The following CCDC171 variants were observed in gnomAD, a reference collection of about 807,000 sequenced individuals.
CCDC171 encodes the protein coiled-coil domain containing 171.
In CCDC171, 177 loss-of-function variants were observed where a neutral mutation model predicts 168.2. The ratio of observed to expected loss-of-function variants is 1.05; its 90% CI spans 0.93 to 1.19. The LOEUF is 1.19. Ranked by LOEUF, CCDC171 falls within the 50% of genes most tolerant of loss-of-function variation. CCDC171 has a pLI of 0.00. For synonymous variants in CCDC171, 687 were observed against 540.8 expected (o/e 1.27, Z -3.75); for missense variants, 1,991 against 1,539.0 (o/e 1.29, Z -4.91).
intron 21 of CCDC171, among the ~76,000 whole-genome samples, chr9:15,836,061 C>G (rs949769567): frequency 6.6e-6 from 1 of 152,108 alleles, no homozygotes; most frequent in Non-Finnish European, 1.5e-5. Flanking sequence ...ATATCTTCCC[C>G]CAATGATCCA....
chr9:15,613,316 G>T (rs1432870604), intron 6 of CCDC171, among the ~76,000 whole-genome samples: 1 of 152,058 alleles, frequency 6.6e-6, no homozygotes, highest in Non-Finnish European at 1.5e-5. Flanking sequence ...TTAAGTGAAT[G>T]ACGTAGAATG....
intron 25 of CCDC171, among the ~76,000 whole-genome samples, chr9:15,953,499 T>G (rs1358667224): frequency 6.6e-6 from 1 of 152,216 alleles, no homozygotes; most frequent in Non-Finnish European, 1.5e-5. Context: ...TTTTGTATGT[T>G]GAGCTCTCCT....
chr9:15,671,401 A>G (rs924060887), intron 9 of CCDC171, among the ~76,000 whole-genome samples: 3 of 151,868 alleles, frequency 2.0e-5, no homozygotes, highest in Non-Finnish European at 4.4e-5. Flanking sequence ...TACAACGTGC[A>G]GGTTTGTTAC....
chr9:15,747,926 G>C (rs2055418575), intron 18 of CCDC171, among the ~76,000 whole-genome samples: 2 of 152,200 alleles, frequency 1.3e-5, no homozygotes, highest in Non-Finnish European at 2.9e-5. Context: ...GTAGGCTTCA[G>C]AAGATGAGTA....
At chr9:15,877,133 A>G (rs1486559026) in intron 24 of CCDC171, among the ~76,000 whole-genome samples, 1 of 152,104 alleles carries the variant, frequency 6.6e-6, no homozygotes, top group Non-Finnish European at 1.5e-5. Context: ...CCTCAGTTCA[A>G]CTTGTTTCTG....
At chr9:15,576,081 G>A (rs187203392) in intron 3 of CCDC171, among the ~76,000 whole-genome samples, 5 of 132,896 alleles carry the variant, frequency 3.8e-5, no homozygotes, top group East Asian at 5.0e-4. Context: ...AACAGAGCGA[G>A]ACTCTGTCTC....
intron 21 of CCDC171, among the ~76,000 whole-genome samples, chr9:15,792,984 G>A (rs568010342): frequency 2.6e-5 from 4 of 152,174 alleles, no homozygotes; most frequent in South Asian, 4.1e-4. Flanking sequence ...TATTAACCTT[G>A]AATGTAAATG....
chr9:15,571,718 A>C lies in CCDC171; in HGVS notation c.136A>C (p.Lys46Gln). 1 of 1,590,130 alleles carries C rather than the reference A, an allele frequency of 6.3e-7. No homozygotes were observed. The highest frequency in any genetic ancestry group is 8.5e-7 in the Non-Finnish European group (1 of 1,173,770). ...TCTCAGGAAGAAACTCCATTGGGCTAAAAAAGAAAAGTTAGAAATAACAAC... is the reference window on the plus strand; with the variant it reads ...TCTCAGGAAGAAACTCCATTGGGCTCAAAAAGAAAAGTTAGAAATAACAAC... ...DNLRKKLHWAKKEKLEITTKH... is the reference protein window; with the variant it reads ...DNLRKKLHWAQKEKLEITTKH... The change falls in exon 3 of 26, where the codon AAA (lysine) becomes CAA (glutamine). Residue 46 changes from lysine to glutamine, a missense_variant. Transcript: ENST00000380701.
intron 25 of CCDC171, among the ~76,000 whole-genome samples, chr9:15,957,769 A>G (rs1486924736): frequency 6.6e-6 from 1 of 152,212 alleles, no homozygotes; most frequent in Non-Finnish European, 1.5e-5. Flanking sequence ...AGCTTTAGGG[A>G]GCTAGGACTC....
chr9:16,100,311 G>C, the CCDC171 span, among the ~76,000 whole-genome samples: 18 of 152,158 alleles, frequency 1.2e-4, no homozygotes, highest in African/African-American at 4.3e-4. Flanking sequence ...CACTCAGATT[G>C]ATTTCATCCG....
At chr9:16,086,091 T>A in the CCDC171 span, among the ~76,000 whole-genome samples, 91 of 152,302 alleles carry the variant, frequency 6.0e-4, no homozygotes, top group African/African-American at 2.1e-3. Flanking sequence ...CTGGACTTTT[T>A]TTGATTTGTA....
chr9:15,802,165 G>A (rs922797803), intron 21 of CCDC171, among the ~76,000 whole-genome samples: 12 of 151,526 alleles, frequency 7.9e-5, no homozygotes, highest in Non-Finnish European at 1.8e-4. Flanking sequence ...AAATGTTGGT[G>A]TGGTTTCTTT....
chr9:15,555,691 T>C (rs1343683371), intron 1 of CCDC171, among the ~76,000 whole-genome samples: 1 of 152,138 alleles, frequency 6.6e-6, no homozygotes, highest in Non-Finnish European at 1.5e-5. Flanking sequence ...TTTTATTTCT[T>C]TTATTATTAT....
rs151258639 is a variant in CCDC171 at position 15,714,810 on chromosome 9, A to G, written c.1319-6959A>G. On this transcript the variant is annotated intron_variant, in intron 11 of 25. Coordinates refer to ENST00000380701, the MANE Select transcript of CCDC171 (RefSeq NM_173550.4). ...TACTTAAGTCCTGCTTGTGGTAATC[A>G]GAGCTAGGACTTTTCTACTTATGCA... Among the ~76,000 whole-genome samples, 731 of 152,310 alleles carry G rather than the reference A, an allele frequency of 4.8e-3. 5 individuals carry two copies. The highest frequency in any genetic ancestry group is 7.3e-3 in the Non-Finnish European group (499 of 68,014).
intron 21 of CCDC171, among the ~76,000 whole-genome samples, chr9:15,835,034 T>G (rs1025928324): frequency 1.3e-5 from 2 of 152,222 alleles, no homozygotes; most frequent in Non-Finnish European, 2.9e-5. Flanking sequence ...AATGTTGATT[T>G]GGGGTTTCTA....
intron 1 of CCDC171, among the ~76,000 whole-genome samples, chr9:16,055,719 G>A (rs1833829254): frequency 6.6e-6 from 1 of 152,182 alleles, no homozygotes; most frequent in African/African-American, 2.4e-5. Context: ...CTAAAGTAGT[G>A]GGAGATGACA....
intron 7 of CCDC171, among the ~76,000 whole-genome samples, chr9:15,647,362 A>C (rs1486342608): frequency 6.6e-6 from 1 of 152,216 alleles, no homozygotes; most frequent in Non-Finnish European, 1.5e-5. Flanking sequence ...AAGAGCAAAC[A>C]CATTCAAAAG....
chr9:15,774,027 C>G (rs1052264995), intron 18 of CCDC171, among the ~76,000 whole-genome samples: 1 of 152,048 alleles, frequency 6.6e-6, no homozygotes, highest in Non-Finnish European at 1.5e-5. Flanking sequence ...GGGTGGATCA[C>G]TTGAGGTCAG....
At chr9:15,813,633 T>C (rs2059447110) in intron 21 of CCDC171, among the ~76,000 whole-genome samples, 1 of 151,956 alleles carries the variant, frequency 6.6e-6, no homozygotes. Flanking sequence ...TATATATATA[T>C]ATATTAAACT....
Sources: gnomAD v4.1 joint callset for allele counts (sites outside exome capture counted in the v4.1 genomes callset) on GRCh38, gnomAD v4.1.1 for gene constraint, MANE v1.5 for transcripts, NCBI Gene and HGNC (gene_info 2026-07-23, HGNC 2026-07-21) for gene names.